The following HHIP variants were observed in gnomAD, a reference collection of about 807,000 sequenced individuals.
HHIP encodes the protein hedgehog interacting protein.
Under a neutral mutation model 74.0 loss-of-function variants are expected in HHIP, and 12 were observed. That is an observed-to-expected ratio of 0.16 (90% CI 0.10 to 0.26). The LOEUF is 0.26. Among genes scored for constraint, HHIP ranks in the 10% least tolerant of loss-of-function variants. The pLI is 1.00. For synonymous variants in HHIP, 309 were observed against 311.6 expected (o/e 0.99, Z 0.09); for missense variants, 788 against 845.0 (o/e 0.93, Z 0.84).
intron 4 of HHIP, among the ~76,000 whole-genome samples, chr4:144,675,655 A>T (rs1729151411): frequency 6.6e-6 from 1 of 152,136 alleles, no homozygotes; most frequent in Non-Finnish European, 1.5e-5. Context: ...GTACTATTTG[A>T]TTAAAAAACA....
intron 4 of HHIP, among the ~76,000 whole-genome samples, chr4:144,683,494 A>G (rs1265563508): frequency 6.6e-6 from 1 of 152,228 alleles, no homozygotes; most frequent in Non-Finnish European, 1.5e-5. Flanking sequence ...ATTTAAGATA[A>G]TAGTCAAATA....
intron 11 of HHIP, among the ~76,000 whole-genome samples, chr4:144,731,986 T>C (rs1186626859): frequency 1.3e-5 from 2 of 152,160 alleles, no homozygotes; most frequent in African/African-American, 4.8e-5. Flanking sequence ...CCCTGTACTA[T>C]TTATGTCTTA....
rs545569336 is a variant in HHIP, at chr4:144,647,018, C to T, written c.279+64C>T. ...ATTGGCTGGGTGGGGTTCCCTGTGG[C>T]TCTGGCAAAGCCGGTGGTTGTAAGA... is the stretch of plus-strand genomic sequence containing the variant. On this transcript the variant is annotated intron_variant, in intron 1 of 12. Coordinates refer to ENST00000296575, the MANE Select transcript of HHIP (RefSeq NM_022475.3). The T allele has an allele frequency of 3.5e-5, 51 of 1,444,854 alleles. No homozygotes were observed. The South Asian group carries it at 6.2e-4, about 17-fold the overall frequency. 89.5% of individuals were successfully genotyped at this position (1,444,854 alleles called of 1,614,324 possible).
rs531434555 is a variant in HHIP at position 144,737,671 on chromosome 4, C to A, written c.1910-93C>A. 2.4e-5 allele frequency: 27 copies of A among 1,122,866 alleles called. No homozygotes were observed. The South Asian group carries it at 4.9e-4, about 20-fold the overall frequency. 69.6% of individuals were successfully genotyped at this position (1,122,866 alleles called of 1,614,324 possible). On this transcript the variant is annotated intron_variant, in intron 12 of 12. Coordinates refer to ENST00000296575, the MANE Select transcript of HHIP (RefSeq NM_022475.3). ...TCTCCCTCCTTTTTTCCCTCGCTTCCCTTATTCAGCAAATATTTGTTGGTC... is the reference window on the plus strand; with the variant it reads ...TCTCCCTCCTTTTTTCCCTCGCTTCACTTATTCAGCAAATATTTGTTGGTC...
intron 11 of HHIP, among the ~76,000 whole-genome samples, chr4:144,719,612 AAT>A (rs1730573562): frequency 6.6e-6 from 1 of 152,210 alleles, no homozygotes; most frequent in Non-Finnish European, 1.5e-5. Context: ...TTGAATCATC[AAT>A]AGTCAGTTGT....
At position 144,740,717 on chromosome 4, in the gene HHIP, T is replaced by A. The variant is rs1731243854; in HGVS notation, c.*2760T>A. 1 of 152,030 alleles carries A rather than the reference T, an allele frequency of 6.6e-6. No individual in the cohort carries two copies. Among genetic ancestry groups the A allele is most frequent in the South Asian group, 2.1e-4 (1 of 4,824 alleles). The allele number at this position is 152,030 out of a possible 1,614,324, so 9.4% of individuals were successfully genotyped here. On this transcript the variant is annotated 3_prime_UTR_variant, in exon 13 of 13. Coordinates refer to ENST00000296575, the MANE Select transcript of HHIP (RefSeq NM_022475.3). ...TGAGCAGGAAAAAATTATTGTTTAA[T>A]CACATGAAAGGCAACATCTGTTCAG...
In HHIP at chr4:144,700,748, C is replaced by A. The variant is rs140064990; in HGVS notation, c.832-5783C>A. On this transcript the variant is annotated intron_variant, in intron 4 of 12. Transcript: ENST00000296575. ...ACCTCTAGAAAGAAACTTAGCTCTG[C>A]CAACATTTATTATAACCTGTGAGAC... Among the ~76,000 whole-genome samples, 6 of 152,196 alleles carry A rather than the reference C, an allele frequency of 3.9e-5. No homozygotes were observed. The East Asian group carries it at 1.2e-3, about 29-fold the overall frequency.
At chr4:144,669,654 A>G (rs964992686) in intron 4 of HHIP, among the ~76,000 whole-genome samples, 1 of 152,214 alleles carries the variant, frequency 6.6e-6, no homozygotes, top group Admixed American at 6.5e-5. Context: ...AATGAATATG[A>G]TCTAAACTAA....
In HHIP at chr4:144,689,841, C is replaced by T. The variant is rs1457031136; in HGVS notation, c.832-16690C>T. On this transcript the variant is annotated intron_variant, in intron 4 of 12. Coordinates refer to ENST00000296575, the MANE Select transcript of HHIP (RefSeq NM_022475.3). ...TTTATTTTTTTGAGACGGAGTCTCG[C>T]CCTGTCGCCCAGGCTGGAATGCAAT... Among the ~76,000 whole-genome samples the T allele has an allele frequency of 2.0e-5, 3 of 152,058 alleles. No homozygotes were observed. In the East Asian group the frequency reaches 5.8e-4, roughly 29 times the overall value.
chr4:144,685,379 A>G (rs1729458641), intron 4 of HHIP, among the ~76,000 whole-genome samples: 1 of 152,264 alleles, frequency 6.6e-6, no homozygotes, highest in Non-Finnish European at 1.5e-5. Context: ...ATATTTGGAG[A>G]TTTTTAAATT....
At chr4:144,692,293 A>G (rs943794492) in intron 4 of HHIP, among the ~76,000 whole-genome samples, 5 of 152,180 alleles carry the variant, frequency 3.3e-5, no homozygotes, top group Non-Finnish European at 4.4e-5. Flanking sequence ...GTCATGTAAT[A>G]GAGCCCACAT....
chr4:144,707,384 T>A, intron 6 of HHIP, 124 bp downstream of exon 6: 1 of 730,670 alleles, frequency 1.4e-6, no homozygotes, highest in South Asian at 1.9e-5. Context: ...ATACTTAACT[T>A]TTGTCATCAG....
chr4:144,688,871 G>A (rs78899833), intron 4 of HHIP, among the ~76,000 whole-genome samples: 1 of 152,092 alleles, frequency 6.6e-6, no homozygotes, highest in African/African-American at 2.4e-5. Flanking sequence ...TTTAAAGTGG[G>A]AGCACCAAAA....
At position 144,742,151 on chromosome 4, in the gene HHIP, AAATAGACATGTTCTC is replaced by A. The variant is rs1731276639; in HGVS notation, c.*4199_*4213del. 1 of 152,102 alleles carries A rather than the reference AAATAGACATGTTCTC, an allele frequency of 6.6e-6. No homozygotes were observed. The allele number at this position is 152,102 out of a possible 1,614,324, so 9.4% of individuals were successfully genotyped here. ...CCTACATTTTCTATTGGTTTTGCCT[AAATAGACATGTTCTC>A]AATACACCCATGTTGAAGGTATCCT... is the stretch of plus-strand genomic sequence containing the variant. On this transcript the variant is annotated 3_prime_UTR_variant, in exon 13 of 13. Transcript: ENST00000296575.
Position 144,646,576 on chromosome 4 carries a change from C to A in HHIP, c.-100C>A, listed in dbSNP as rs1331379658. 3.2e-6 allele frequency: 4 copies of A among 1,242,664 alleles called. No homozygotes were observed. The highest frequency in any genetic ancestry group is 1.4e-5 in the South Asian group (1 of 69,532). The allele number at this position is 1,242,664 out of a possible 1,614,324, so 77.0% of individuals were successfully genotyped here. On this transcript the variant is annotated 5_prime_UTR_variant, in exon 1 of 13. Coordinates refer to ENST00000296575, the MANE Select transcript of HHIP (RefSeq NM_022475.3). ...CCTCTGTCTCTGGAGTGCCCTACAG[C>A]CCCGCAAACTCCTCCTGGAGCTGCG...
intron 11 of HHIP, among the ~76,000 whole-genome samples, chr4:144,732,261 C>CA (rs932528541): frequency 7.9e-5 from 12 of 151,636 alleles, no homozygotes; most frequent in Non-Finnish European, 1.2e-4. Flanking sequence ...CTGTGTAGAA[C>CA]AAAAAAAGAT....
chr4:144,737,382 G>A (rs1731150700), intron 12 of HHIP, among the ~76,000 whole-genome samples: 1 of 152,216 alleles, frequency 6.6e-6, no homozygotes, highest in African/African-American at 2.4e-5. Flanking sequence ...CCACTCCCAT[G>A]TTGAGATCCT....
chr4:144,671,093 A>G (rs573506705), intron 4 of HHIP, among the ~76,000 whole-genome samples: 1 of 152,264 alleles, frequency 6.6e-6, no homozygotes, highest in African/African-American at 2.4e-5. Context: ...TGATTTTTCT[A>G]TGTATCATCT....
chr4:144,735,563 T>C (rs1331991601), intron 12 of HHIP, among the ~76,000 whole-genome samples: 1 of 152,112 alleles, frequency 6.6e-6, no homozygotes, highest in Non-Finnish European at 1.5e-5. Context: ...AGTCAGAAAA[T>C]TAGATAAATT....
Sources: gnomAD v4.1 joint callset for allele counts (sites outside exome capture counted in the v4.1 genomes callset) on GRCh38, gnomAD v4.1.1 for gene constraint, MANE v1.5 for transcripts, NCBI Gene and HGNC (gene_info 2026-07-23, HGNC 2026-07-21) for gene names.